NKAIN3: variants seen among roughly 807,000 people sequenced by gnomAD.
NKAIN3 encodes sodium/potassium-transporting ATPase subunit beta-1-interacting protein 3.
A neutral mutation model predicts 30.2 loss-of-function variants in NKAIN3; 25 were observed. The observed-to-expected ratio is 0.83, with a 90% CI of 0.60 to 1.16. The LOEUF is 1.16. Ranked by LOEUF, NKAIN3 falls within the 50% of genes most tolerant of loss-of-function variation. The pLI is 0.00. For synonymous variants in NKAIN3, 91 were observed against 89.6 expected (o/e 1.02, Z -0.09); for missense variants, 225 against 254.1 (o/e 0.89, Z 0.78).
At chr8:62,891,840 T>C (rs961115508) in intron 4 of NKAIN3, among the ~76,000 whole-genome samples, 7 of 152,186 alleles carry the variant, frequency 4.6e-5, no homozygotes, top group Non-Finnish European at 1.0e-4. Flanking sequence ...ATCCTCTTTC[T>C]CTTCTTCCTT....
At chr8:62,952,283 A>T (rs1823304598) in intron 5 of NKAIN3, among the ~76,000 whole-genome samples, 2 of 152,208 alleles carry the variant, frequency 1.3e-5, no homozygotes, top group Admixed American at 6.5e-5. Flanking sequence ...ATTCTTACTA[A>T]GTTAAAAAAT....
chr8:62,655,132 C>G (rs906969718), intron 3 of NKAIN3, among the ~76,000 whole-genome samples: 1 of 152,112 alleles, frequency 6.6e-6, no homozygotes, highest in Non-Finnish European at 1.5e-5. Context: ...TGATGACCAT[C>G]CAGCTGTTTG....
chr8:62,641,122 C>T (rs1481953070), intron 3 of NKAIN3, among the ~76,000 whole-genome samples: 4 of 151,650 alleles, frequency 2.6e-5, no homozygotes, highest in Non-Finnish European at 5.9e-5. Context: ...CATGGATTCA[C>T]TCCAGACCCA....
chr8:62,640,920 C>T (rs188617464), intron 3 of NKAIN3, among the ~76,000 whole-genome samples: 13 of 152,256 alleles, frequency 8.5e-5, no homozygotes, highest in Admixed American at 7.8e-4. Flanking sequence ...TTTGTGTCCA[C>T]ATTCTTTAAC....
chr8:62,327,333 T>C (rs1425181115), intron 1 of NKAIN3, among the ~76,000 whole-genome samples: 3 of 152,074 alleles, frequency 2.0e-5, no homozygotes, highest in Non-Finnish European at 4.4e-5. Flanking sequence ...AAGTGCAATT[T>C]GTTTGTTTTT....
At chr8:62,291,667 A>T (rs2129587157) in intron 1 of NKAIN3, among the ~76,000 whole-genome samples, 1 of 152,258 alleles carries the variant, frequency 6.6e-6, no homozygotes, top group South Asian at 2.1e-4. Context: ...CTATGTGGTC[A>T]ATTTTGGAAT....
At chr8:62,251,409 A>T (rs1812100036) in intron 1 of NKAIN3, among the ~76,000 whole-genome samples, 1 of 152,166 alleles carries the variant, frequency 6.6e-6, no homozygotes, top group South Asian at 2.1e-4. Context: ...TGAATTCCAT[A>T]CAGCCATTCA....
At chr8:62,264,085 A>T (rs1355149789) in intron 1 of NKAIN3, among the ~76,000 whole-genome samples, 1 of 152,228 alleles carries the variant, frequency 6.6e-6, no homozygotes, top group Non-Finnish European at 1.5e-5. Context: ...TATTTCTAAT[A>T]GTGAAGTATT....
At chr8:62,388,039 A>G (rs1817481086) in intron 1 of NKAIN3, among the ~76,000 whole-genome samples, 1 of 152,162 alleles carries the variant, frequency 6.6e-6, no homozygotes, top group Admixed American at 6.5e-5. Flanking sequence ...CTTACTATGT[A>G]ATGACATTGT....
At chr8:62,781,827 A>C (rs1817361281) in intron 4 of NKAIN3, among the ~76,000 whole-genome samples, 1 of 152,040 alleles carries the variant, frequency 6.6e-6, no homozygotes, top group Non-Finnish European at 1.5e-5. Context: ...GTAAGACCCA[A>C]AACTATAAAA....
At chr8:62,917,417 G>T (rs1253845783) in intron 4 of NKAIN3, among the ~76,000 whole-genome samples, 1 of 152,188 alleles carries the variant, frequency 6.6e-6, no homozygotes, top group African/African-American at 2.4e-5. Context: ...CTTCTCCTAA[G>T]ACCTCACCCT....
intron 4 of NKAIN3, among the ~76,000 whole-genome samples, chr8:62,868,227 C>T (rs1057182776): frequency 6.6e-6 from 1 of 152,118 alleles, no homozygotes; most frequent in South Asian, 2.1e-4. Flanking sequence ...TTTAAATAAC[C>T]CTCTATGGTG....
At chr8:62,339,436 G>A (rs1815669355) in intron 1 of NKAIN3, among the ~76,000 whole-genome samples, 1 of 151,964 alleles carries the variant, frequency 6.6e-6, no homozygotes, top group Non-Finnish European at 1.5e-5. Flanking sequence ...GTGGAAGTGG[G>A]GTGTACACTG....
intron 1 of NKAIN3, among the ~76,000 whole-genome samples, chr8:62,256,182 G>T (rs191705894): frequency 1.3e-5 from 2 of 151,984 alleles, no homozygotes; most frequent in Admixed American, 6.6e-5. Context: ...GGAGACTGAG[G>T]GGGGAGGATC....
chr8:62,909,344 A>T (rs1006762965), intron 4 of NKAIN3, among the ~76,000 whole-genome samples: 2 of 152,226 alleles, frequency 1.3e-5, no homozygotes, highest in African/African-American at 2.4e-5. Flanking sequence ...CAGAATTTAC[A>T]ATATAGAGAA....
chr8:62,381,712 A>T (rs1216264389), intron 1 of NKAIN3, among the ~76,000 whole-genome samples: 2 of 152,158 alleles, frequency 1.3e-5, no homozygotes, highest in Non-Finnish European at 2.9e-5. Flanking sequence ...CAAGACTAGA[A>T]CTCAGTTCTC....
At chr8:62,879,090 G>A (rs1304613711) in intron 4 of NKAIN3, among the ~76,000 whole-genome samples, 1 of 152,164 alleles carries the variant, frequency 6.6e-6, no homozygotes, top group Non-Finnish European at 1.5e-5. Flanking sequence ...TCGCCACACT[G>A]ACTTCCACAA....
intron 1 of NKAIN3, among the ~76,000 whole-genome samples, chr8:62,447,684 C>T (rs1274581696): frequency 1.3e-5 from 2 of 151,980 alleles, no homozygotes; most frequent in Non-Finnish European, 2.9e-5. Flanking sequence ...CAAGACTTTT[C>T]CCTTCATTCA....
Position 62,974,158 on chromosome 8 carries a change from G to T in NKAIN3, c.*8751G>T, listed in dbSNP as rs1563651335. On this transcript the variant is annotated 3_prime_UTR_variant, in exon 7 of 7. Coordinates refer to ENST00000623646, the MANE Select transcript of NKAIN3 (RefSeq NM_001304533.3). ...GTTTTGGCTATATGGGCTCTTTTTGGTTCCCTATGAAATTTAAAGTAGTTT... is the reference window on the plus strand; with the variant it reads ...GTTTTGGCTATATGGGCTCTTTTTGTTTCCCTATGAAATTTAAAGTAGTTT... Among the ~76,000 whole-genome samples, 1 of 151,984 alleles carries T rather than the reference G, an allele frequency of 6.6e-6. No individual in the cohort carries two copies. The highest frequency in any genetic ancestry group is 1.5e-5 in the Non-Finnish European group (1 of 68,002).
Sources: allele counts gnomAD v4.1 joint callset (sites outside exome capture counted in the v4.1 genomes callset), GRCh38; gene constraint gnomAD v4.1.1; transcripts MANE v1.5; gene names NCBI Gene and HGNC (gene_info 2026-07-23, HGNC 2026-07-21).